Variants in CPEB1 observed in about 807,000 individuals in gnomAD.
CPEB1 encodes the protein cytoplasmic polyadenylation element-binding protein 1.
CPEB1 carries 7 observed loss-of-function variants against 65.8 expected under a neutral mutation model. The ratio of observed to expected loss-of-function variants is 0.11; its 90% CI spans 0.06 to 0.20. The LOEUF (loss-of-function observed/expected upper bound fraction) is 0.20, where lower values mean the gene tolerates loss of function less well. CPEB1 is among the 10% of genes least tolerant of loss of function. The pLI is 1.00. For missense variants in CPEB1, 551 were observed against 712.2 expected (o/e 0.77, Z 2.58); for synonymous variants, 262 against 260.0 (o/e 1.01, Z -0.08).
intron 3 of CPEB1, among the ~76,000 whole-genome samples, chr15:82,582,834 C>G (rs951859275): frequency 1.3e-5 from 2 of 150,956 alleles, no homozygotes; most frequent in South Asian, 4.2e-4. Flanking sequence ...CTCCGCCTCC[C>G]GGGTTCACGC....
chr15:82,553,578 T>G, intron 7 of CPEB1, 22 bp from the exon 8 acceptor site: 5 of 1,524,598 alleles, frequency 3.3e-6, no homozygotes, highest in Non-Finnish European at 4.5e-6. Context: ...CAGAAAAGAA[T>G]GGCAGAAGCT....
At chr15:82,626,241 C>G (rs2045761968) in intron 3 of CPEB1, among the ~76,000 whole-genome samples, 2 of 151,668 alleles carry the variant, frequency 1.3e-5, no homozygotes, top group Admixed American at 6.6e-5. Context: ...CGAGACCATC[C>G]TGGCCAACAT....
intron 4 of CPEB1, among the ~76,000 whole-genome samples, chr15:82,564,793 A>G (rs1194602752): frequency 6.6e-6 from 1 of 152,176 alleles, no homozygotes; most frequent in African/African-American, 2.4e-5. Flanking sequence ...GAGGAGGGGC[A>G]GGGTGGAAAT....
intron 3 of CPEB1, among the ~76,000 whole-genome samples, chr15:82,578,176 A>C (rs970808389): frequency 3.3e-5 from 5 of 152,154 alleles, no homozygotes; most frequent in African/African-American, 1.2e-4. Context: ...ACATTGATAA[A>C]GCATTATTGG....
At chr15:82,581,286 A>G (rs1040753009) in intron 3 of CPEB1, among the ~76,000 whole-genome samples, 66 of 152,146 alleles carry the variant, frequency 4.3e-4, no homozygotes, top group African/African-American at 1.5e-3. Flanking sequence ...TTTCCTTTTT[A>G]AAGCTCCTAA....
intron 4 of CPEB1, among the ~76,000 whole-genome samples, chr15:82,566,543 T>C (rs1356628035): frequency 6.6e-6 from 1 of 152,168 alleles, no homozygotes; most frequent in African/African-American, 2.4e-5. Flanking sequence ...AAACAGAGTG[T>C]GGACTTCCCC....
At chr15:82,579,511 T>A (rs1417358815) in intron 3 of CPEB1, among the ~76,000 whole-genome samples, 5 of 152,208 alleles carry the variant, frequency 3.3e-5, no homozygotes. Context: ...ATTGCCTTAA[T>A]TGCCCTAACA....
chr15:82,550,071 G>A (rs1171178634), intron 9 of CPEB1, among the ~76,000 whole-genome samples: 3 of 152,184 alleles, frequency 2.0e-5, no homozygotes, highest in African/African-American at 4.8e-5. Context: ...TTAAAGGCTA[G>A]GATCCTGAAG....
At chr15:82,595,369 C>T (rs1445514333) in intron 3 of CPEB1, among the ~76,000 whole-genome samples, 1 of 152,150 alleles carries the variant, frequency 6.6e-6, no homozygotes, top group Non-Finnish European at 1.5e-5. Flanking sequence ...CTTGAGTAAC[C>T]GCCAAATTGT....
Position 82,574,042 on chromosome 15 carries a change from C to G in CPEB1, c.272-2510G>C, listed in dbSNP as rs571967263. On this transcript the variant is annotated intron_variant, in intron 3 of 12. Transcript: ENST00000684509. ...CAAGCTGAAAGACCCCAGGCCTGAG[C>G]AACAGGTCTGTTAAACCCATTTAAG... Among the ~76,000 whole-genome samples, 4 of 152,252 alleles carry G rather than the reference C, an allele frequency of 2.6e-5. No individual in the cohort carries two copies. The South Asian group carries it at 8.3e-4, about 32-fold the overall frequency.
chr15:82,619,230 A>C (rs1210714676), intron 3 of CPEB1, among the ~76,000 whole-genome samples: 1 of 152,238 alleles, frequency 6.6e-6, no homozygotes, highest in Non-Finnish European at 1.5e-5. Flanking sequence ...AATGATGCTG[A>C]GTCAACTGGC....
chr15:82,571,833 A>C, intron 3 of CPEB1: 1 of 1,172,928 alleles, frequency 8.5e-7, no homozygotes, highest in Middle Eastern at 3.5e-4. Flanking sequence ...TGAGCCGTGC[A>C]ATAGAGAGCG....
chr15:82,573,001 A>G, intron 3 of CPEB1: 1 of 1,522,410 alleles, frequency 6.6e-7, no homozygotes, highest in African/African-American at 1.4e-5. Flanking sequence ...CTCACCAGGC[A>G]GGCTGCTCAA....
At chr15:82,573,880 T>C (rs182885340) in intron 3 of CPEB1, among the ~76,000 whole-genome samples, 10 of 152,276 alleles carry the variant, frequency 6.6e-5, no homozygotes, top group South Asian at 2.1e-4. Context: ...TTTGGGAAGA[T>C]TGCTTGAGCC....
intron 4 of CPEB1, among the ~76,000 whole-genome samples, chr15:82,565,586 G>A (rs762828570): frequency 6.6e-6 from 1 of 152,208 alleles, no homozygotes; most frequent in Non-Finnish European, 1.5e-5. Context: ...GCAGGCCAGT[G>A]TCTCATCTCA....
In CPEB1 at chr15:82,647,352, T is replaced by C; in HGVS notation, c.-313A>G. 1 of 153,778 alleles carries C rather than the reference T, an allele frequency of 6.5e-6. No individual in the cohort carries two copies. The highest frequency in any genetic ancestry group is 1.4e-5 in the Non-Finnish European group (1 of 69,130). 9.5% of individuals were successfully genotyped at this position (153,778 alleles called of 1,614,324 possible). On this transcript the variant is annotated 5_prime_UTR_variant, in exon 1 of 13. Transcript: ENST00000684509. ...CGCGACCGCCGCCGTCGTGGGGCTC[T>C]CCACAGAGCACGGGGTCTACGCCGT...
intron 1 of CPEB1, chr15:82,629,869 T>C (rs2046092729): frequency 1.0e-6 from 1 of 985,238 alleles, no homozygotes; most frequent in African/African-American, 1.7e-5. Context: ...AGGATGACCT[T>C]AAAGGGACAA....
intron 5 of CPEB1, 155 bp from the exon 6 acceptor site, chr15:82,556,277 G>T: frequency 1.2e-6 from 1 of 804,760 alleles, no homozygotes; most frequent in Non-Finnish European, 1.8e-6. Context: ...ATTAGTTCTA[G>T]TTATACTATA....
chr15:82,641,474 G>A (rs989438184), intron 1 of CPEB1, among the ~76,000 whole-genome samples: 3 of 152,230 alleles, frequency 2.0e-5, no homozygotes, highest in African/African-American at 4.8e-5. Context: ...AAAGGGGATT[G>A]TAGGAAGTGG....
Sources: gnomAD v4.1 joint callset for allele counts (sites outside exome capture counted in the v4.1 genomes callset) on GRCh38, gnomAD v4.1.1 for gene constraint, MANE v1.5 for transcripts, NCBI Gene and HGNC (gene_info 2026-07-23, HGNC 2026-07-21) for gene names.